The following GRXCR1 variants were observed in gnomAD, a reference collection of about 807,000 sequenced individuals.
The protein encoded by GRXCR1 is glutaredoxin domain-containing cysteine-rich protein 1.
A neutral mutation model predicts 27.3 loss-of-function variants in GRXCR1; 27 were observed. The ratio of observed to expected loss-of-function variants is 0.99; its 90% confidence interval spans 0.73 to 1.37. GRXCR1 has a LOEUF of 1.37. Among genes scored for constraint, GRXCR1 ranks in the 40% most tolerant of loss-of-function variants. GRXCR1 has a pLI of 0.00. For missense variants in GRXCR1, 379 were observed against 354.4 expected (o/e 1.07, Z -0.56); for synonymous variants, 122 against 131.1 (o/e 0.93, Z 0.47).
At chr4:42,981,217 A>G (rs533453664) in intron 2 of GRXCR1, among the ~76,000 whole-genome samples, 2 of 145,822 alleles carry the variant, frequency 1.4e-5, no homozygotes, top group African/African-American at 2.5e-5. Context: ...TGTCTCTACT[A>G]TGCTATGCTT....
chr4:43,015,714 A>T (rs1192415798), intron 2 of GRXCR1, among the ~76,000 whole-genome samples: 1 of 151,782 alleles, frequency 6.6e-6, no homozygotes, highest in Non-Finnish European at 1.5e-5. Context: ...TTTTATTGCA[A>T]GCTACTTTCT....
At chr4:42,930,048 A>G (rs1049312255) in intron 1 of GRXCR1, among the ~76,000 whole-genome samples, 25 of 151,868 alleles carry the variant, frequency 1.6e-4, no homozygotes, top group African/African-American at 5.6e-4. Context: ...CTCTCAGTAG[A>G]TTCTCTCTGT....
chr4:42,940,219 C>T lies in GRXCR1; in HGVS notation c.385-22673C>T, dbSNP rs1338199424. On this transcript the variant is annotated intron_variant, in intron 1 of 3. Coordinates refer to ENST00000399770, the MANE Select transcript of GRXCR1 (RefSeq NM_001080476.3). The stretch of plus-strand genomic sequence containing the variant: ...AGACAGTGGCCCCTTGGTCTTTCTC[C>T]CTCTCATGCTAGTACACACTTTGCC... 2.0e-5 allele frequency among the ~76,000 whole-genome samples: 3 copies of T among 152,004 alleles called. No homozygotes were observed. In the South Asian group the frequency reaches 6.2e-4, roughly 32 times the overall value.
intron 1 of GRXCR1, among the ~76,000 whole-genome samples, chr4:42,900,211 C>T (rs890939718): frequency 2.0e-5 from 3 of 152,022 alleles, no homozygotes; most frequent in African/African-American, 7.2e-5. Flanking sequence ...TAATTATTGC[C>T]TGGAAGGGAT....
intron 1 of GRXCR1, among the ~76,000 whole-genome samples, chr4:42,916,980 A>G (rs905867977): frequency 6.6e-6 from 1 of 152,196 alleles, no homozygotes; most frequent in African/African-American, 2.4e-5. Flanking sequence ...GGATCAATAG[A>G]TTGACAAATA....
chr4:42,946,084 A>C (rs938019008), intron 1 of GRXCR1, among the ~76,000 whole-genome samples: 1 of 152,164 alleles, frequency 6.6e-6, no homozygotes, highest in African/African-American at 2.4e-5. Flanking sequence ...TGGCCTGGCA[A>C]TGTAGTTTCA....
chr4:42,967,579 T>C (rs557477617), intron 2 of GRXCR1, among the ~76,000 whole-genome samples: 39 of 152,282 alleles, frequency 2.6e-4, no homozygotes, highest in Admixed American at 1.3e-3. Context: ...CAGTTCTAGT[T>C]GATTTCAATT....
At chr4:42,946,212 A>G (rs1170851246) in intron 1 of GRXCR1, among the ~76,000 whole-genome samples, 3 of 152,188 alleles carry the variant, frequency 2.0e-5, no homozygotes, top group Non-Finnish European at 4.4e-5. Flanking sequence ...CTAGGAGGAA[A>G]TTAGTCATCA....
At chr4:42,983,838 CT>C (rs201795629) in intron 2 of GRXCR1, among the ~76,000 whole-genome samples, 17,304 of 135,740 alleles carry the variant, frequency 0.13, 1,158 homozygotes, top group East Asian at 0.32. Context: ...GATTTTCTTT[CT>C]TTTTTTTTTT....
chr4:43,018,148 A>G (rs75172329), intron 2 of GRXCR1, among the ~76,000 whole-genome samples: 4,972 of 152,238 alleles, frequency 0.033, 102 homozygotes, highest in Non-Finnish European at 0.054. Context: ...GGGCAGAGAC[A>G]TGGGACCCAG....
intron 1 of GRXCR1, among the ~76,000 whole-genome samples, chr4:42,896,314 G>A (rs915005073): frequency 1.3e-5 from 2 of 152,080 alleles, no homozygotes; most frequent in African/African-American, 4.8e-5. Flanking sequence ...GTCTATTAAA[G>A]GAATATCAGA....
intron 3 of GRXCR1, among the ~76,000 whole-genome samples, chr4:43,024,496 G>C (rs1038410504): frequency 1.1e-4 from 10 of 87,690 alleles, no homozygotes; most frequent in African/African-American, 5.5e-4. Context: ...GGGGAATCAG[G>C]CCATGTCATC....
At chr4:42,901,307 G>T (rs1746455621) in intron 1 of GRXCR1, among the ~76,000 whole-genome samples, 1 of 152,128 alleles carries the variant, frequency 6.6e-6, no homozygotes, top group Non-Finnish European at 1.5e-5. Flanking sequence ...TCTCTTCACA[G>T]TTATGGAGGT....
intron 2 of GRXCR1, among the ~76,000 whole-genome samples, chr4:42,974,778 G>A (rs1184122896): frequency 6.6e-6 from 1 of 152,060 alleles, no homozygotes. Context: ...GGGATCTTGG[G>A]GCTGTGGCAT....
intron 2 of GRXCR1, among the ~76,000 whole-genome samples, chr4:42,978,820 T>C (rs767869121): frequency 6.6e-6 from 1 of 151,064 alleles, no homozygotes; most frequent in Non-Finnish European, 1.5e-5. Flanking sequence ...ATAATCCCTA[T>C]AATCCCCCTG....
intron 1 of GRXCR1, among the ~76,000 whole-genome samples, chr4:42,899,200 C>T (rs368737091): frequency 7.2e-4 from 110 of 152,230 alleles, no homozygotes; most frequent in African/African-American, 2.3e-3. Context: ...TTTCCCATAA[C>T]GGACAGGACT....
At chr4:42,936,436 T>G (rs1032188703) in intron 1 of GRXCR1, among the ~76,000 whole-genome samples, 13 of 151,860 alleles carry the variant, frequency 8.6e-5, no homozygotes, top group African/African-American at 3.1e-4. Context: ...TTTAAAGAAT[T>G]TTTTATTTTA....
intron 1 of GRXCR1, among the ~76,000 whole-genome samples, chr4:42,895,208 T>C (rs1292206532): frequency 6.6e-6 from 1 of 152,094 alleles, no homozygotes; most frequent in Non-Finnish European, 1.5e-5. Context: ...ACTAGATTAG[T>C]TTACAATATT....
chr4:43,000,697 A>T (rs1380436523), intron 2 of GRXCR1, among the ~76,000 whole-genome samples: 1 of 151,926 alleles, frequency 6.6e-6, no homozygotes, highest in Non-Finnish European at 1.5e-5. Flanking sequence ...AGAAAACCTC[A>T]GTATATATAG....
Sources: gnomAD v4.1 joint callset for allele counts (sites outside exome capture counted in the v4.1 genomes callset) on GRCh38, gnomAD v4.1.1 for gene constraint, MANE v1.5 for transcripts, NCBI Gene and HGNC (gene_info 2026-07-23, HGNC 2026-07-21) for gene names.